The following IGF2BP2 variants were observed in gnomAD, a reference collection of about 807,000 sequenced individuals.
The protein encoded by IGF2BP2 is insulin like growth factor 2 mRNA binding protein 2.
A neutral mutation model predicts 75.8 loss-of-function variants in IGF2BP2; 17 were observed. The ratio of observed to expected loss-of-function variants is 0.22; its 90% CI spans 0.15 to 0.34. IGF2BP2 has a LOEUF of 0.34. IGF2BP2 is among the 10% of genes least tolerant of loss of function. IGF2BP2 has a pLI of 1.00. For missense variants in IGF2BP2, 516 were observed against 772.4 expected (o/e 0.67, Z 3.93); for synonymous variants, 288 against 295.6 (o/e 0.97, Z 0.26).
intron 7 of IGF2BP2, among the ~76,000 whole-genome samples, chr3:185,681,832 G>A (rs1720433092): frequency 1.3e-5 from 2 of 152,198 alleles, no homozygotes; most frequent in South Asian, 4.1e-4. Context: ...AGTCTATTCA[G>A]CAGATGGTGC....
At chr3:185,750,686 C>A (rs944061126) in intron 2 of IGF2BP2, among the ~76,000 whole-genome samples, 1 of 152,208 alleles carries the variant, frequency 6.6e-6, no homozygotes, top group Admixed American at 6.5e-5. Context: ...AGATTACGTG[C>A]AATCCTCTGG....
At chr3:185,670,879 G>A (rs1237494929) in intron 10 of IGF2BP2, among the ~76,000 whole-genome samples, 6 of 152,112 alleles carry the variant, frequency 3.9e-5, no homozygotes, top group African/African-American at 7.2e-5. Flanking sequence ...CTAGATTACC[G>A]ATTTTAGAAT....
At chr3:185,787,217 T>C (rs1161169018) in intron 2 of IGF2BP2, among the ~76,000 whole-genome samples, 1 of 152,198 alleles carries the variant, frequency 6.6e-6, no homozygotes, top group Non-Finnish European at 1.5e-5. Flanking sequence ...ATAGTGGCGA[T>C]GGCTGCATAA....
At chr3:185,720,651 G>A (rs971180570) in intron 2 of IGF2BP2, among the ~76,000 whole-genome samples, 2 of 152,160 alleles carry the variant, frequency 1.3e-5, no homozygotes, top group East Asian at 1.9e-4. Context: ...AGGCCACTAC[G>A]AAGGCATGCT....
At chr3:185,819,356 AATCT>A (rs1439285178) in intron 2 of IGF2BP2, among the ~76,000 whole-genome samples, 1 of 152,162 alleles carries the variant, frequency 6.6e-6, no homozygotes, top group Non-Finnish European at 1.5e-5. Context: ...CAAACCATAA[AATCT>A]ATTTTGATGT....
intron 7 of IGF2BP2, among the ~76,000 whole-genome samples, chr3:185,683,322 T>G (rs1720658690): frequency 6.6e-6 from 1 of 152,224 alleles, no homozygotes; most frequent in African/African-American, 2.4e-5. Context: ...AGTTCCAGAT[T>G]TACAAGATGA....
intron 2 of IGF2BP2, among the ~76,000 whole-genome samples, chr3:185,731,824 A>C (rs1238964625): frequency 6.6e-6 from 1 of 151,802 alleles, no homozygotes; most frequent in African/African-American, 2.4e-5. Context: ...AATACACACA[A>C]AAAAATAATT....
intron 2 of IGF2BP2, among the ~76,000 whole-genome samples, chr3:185,779,861 A>G (rs189244071): frequency 1.3e-5 from 2 of 152,338 alleles, no homozygotes; most frequent in East Asian, 1.9e-4. Context: ...TAAAATGTAA[A>G]GGTATATGAT....
chr3:185,649,701 G>A (rs1714240052), intron 13 of IGF2BP2, among the ~76,000 whole-genome samples, 167 bp from the exon 14 acceptor site: 1 of 152,218 alleles, frequency 6.6e-6, no homozygotes, highest in Admixed American at 6.5e-5. Flanking sequence ...CAGACCTGGG[G>A]GGCGCTGCTC....
At chr3:185,810,987 AG>A (rs1739740594) in intron 2 of IGF2BP2, among the ~76,000 whole-genome samples, 1 of 152,120 alleles carries the variant, frequency 6.6e-6, no homozygotes, top group African/African-American at 2.4e-5. Flanking sequence ...ATGAAAATAG[AG>A]GCTTATTTTT....
intron 2 of IGF2BP2, among the ~76,000 whole-genome samples, chr3:185,792,455 A>C (rs1393962366): frequency 1.3e-5 from 2 of 148,648 alleles, no homozygotes; most frequent in Non-Finnish European, 3.0e-5. Flanking sequence ...GAATACAAAA[A>C]TTATTTTTTT....
chr3:185,803,358 TAAAC>T (rs1738544112), intron 2 of IGF2BP2, among the ~76,000 whole-genome samples: 2 of 152,072 alleles, frequency 1.3e-5, no homozygotes, highest in African/African-American at 4.8e-5. Context: ...CTCAAAAAAA[TAAAC>T]AAAATAAAAT....
chr3:185,734,454 T>C (rs1728594460), intron 2 of IGF2BP2, among the ~76,000 whole-genome samples: 1 of 148,940 alleles, frequency 6.7e-6, no homozygotes, highest in South Asian at 2.1e-4. Flanking sequence ...AATTCCACAA[T>C]CGTTCAGCGT....
Position 185,732,130 on chromosome 3 carries a change from G to GC in IGF2BP2, c.240-33784dup, listed in dbSNP as rs576972028. Among the ~76,000 whole-genome samples, 43 of 152,164 alleles carry GC rather than the reference G, an allele frequency of 2.8e-4. 1 individual carries two copies. In the Middle Eastern group the frequency reaches 0.01, roughly 36 times the overall value. ...CATATAGTGCCAGCCTCTCCTCTCTGCCCCCGGGAACCCTGTATATCCCTT... is the reference window on the plus strand; with the variant it reads ...CATATAGTGCCAGCCTCTCCTCTCTGCCCCCCGGGAACCCTGTATATCCCTT... On this transcript the variant is annotated intron_variant, in intron 2 of 15. Coordinates refer to ENST00000382199, the MANE Select transcript of IGF2BP2 (RefSeq NM_006548.6).
intron 2 of IGF2BP2, among the ~76,000 whole-genome samples, chr3:185,721,423 A>C (rs1726523011): frequency 1.3e-5 from 2 of 151,990 alleles, no homozygotes; most frequent in Admixed American, 1.3e-4. Flanking sequence ...GCTGCTCTCG[A>C]ACTCCTGACC....
intron 2 of IGF2BP2, among the ~76,000 whole-genome samples, chr3:185,781,814 T>C (rs973599356): frequency 2.0e-5 from 3 of 152,056 alleles, no homozygotes; most frequent in African/African-American, 7.2e-5. Flanking sequence ...TATGCATGAG[T>C]GCGTTTGCTT....
intron 2 of IGF2BP2, chr3:185,729,686 A>C (rs895356123): frequency 1.3e-5 from 2 of 152,372 alleles, no homozygotes; most frequent in South Asian, 4.1e-4. Flanking sequence ...CTACATGGCA[A>C]CTAACCTTTA....
chr3:185,793,729 T>C (rs1051694281), intron 2 of IGF2BP2, among the ~76,000 whole-genome samples: 2 of 152,144 alleles, frequency 1.3e-5, no homozygotes, highest in Admixed American at 6.5e-5. Flanking sequence ...TTTCTTCTGA[T>C]AACACAACTG....
chr3:185,651,344 T>C (rs1196401704), intron 13 of IGF2BP2, among the ~76,000 whole-genome samples: 2 of 152,190 alleles, frequency 1.3e-5, no homozygotes, highest in Non-Finnish European at 2.9e-5. Context: ...TGTTGTCCAA[T>C]ACTGAGTTGA....
Sources: allele counts gnomAD v4.1 joint callset (sites outside exome capture counted in the v4.1 genomes callset), GRCh38; gene constraint gnomAD v4.1.1; transcripts MANE v1.5; gene names NCBI Gene and HGNC (gene_info 2026-07-23, HGNC 2026-07-21).